TRPC4: variants seen among roughly 807,000 people sequenced by gnomAD.
TRPC4 encodes the protein short transient receptor potential channel 4.
TRPC4 carries 49 observed loss-of-function variants against 99.4 expected under a neutral mutation model. That is an observed-to-expected ratio of 0.49 (90% CI 0.39 to 0.63). TRPC4 has a LOEUF of 0.63. TRPC4 is among the 20% of genes least tolerant of loss of function. The pLI, the probability that TRPC4 is intolerant of heterozygous loss-of-function variation, is 0.00. For missense variants in TRPC4, 898 were observed against 1,152.9 expected (o/e 0.78, Z 3.20); for synonymous variants, 454 against 425.9 (o/e 1.07, Z -0.81).
chr13:37,821,338 G>A (rs985229027), intron 1 of TRPC4, among the ~76,000 whole-genome samples: 5 of 151,920 alleles, frequency 3.3e-5, no homozygotes, highest in African/African-American at 1.2e-4. Flanking sequence ...TGGAAAAATA[G>A]TCCAAGTTCA....
intron 3 of TRPC4, among the ~76,000 whole-genome samples, chr13:37,714,462 A>G (rs1210512552): frequency 1.3e-5 from 2 of 152,044 alleles, no homozygotes; most frequent in Non-Finnish European, 2.9e-5. Flanking sequence ...TACTTGCCCC[A>G]CTCTATTCTA....
chr13:37,769,180 T>C (rs1956475552), intron 2 of TRPC4, among the ~76,000 whole-genome samples: 1 of 151,502 alleles, frequency 6.6e-6, no homozygotes, highest in African/African-American at 2.4e-5. Context: ...ATTTAAAATA[T>C]TTTTTATTAC....
intron 1 of TRPC4, among the ~76,000 whole-genome samples, chr13:37,830,409 T>C (rs1958387558): frequency 6.6e-6 from 1 of 152,082 alleles, no homozygotes; most frequent in African/African-American, 2.4e-5. Flanking sequence ...ATTTAAATTC[T>C]TTTTAAAGAG....
rs1956128073 is a variant in TRPC4, at chr13:37,757,596, A to G, written c.379-11141T>C. On this transcript the variant is annotated intron_variant, in intron 2 of 10. Transcript: ENST00000379705. The stretch of plus-strand genomic sequence containing the variant: ...ATTTATTAAGAAACCAGAATGTTCT[A>G]TTATCATAGATGTCCTAGAGTATCA... 2.6e-5 allele frequency among the ~76,000 whole-genome samples: 4 copies of G among 152,108 alleles called. No individual in the cohort carries two copies. The South Asian group carries it at 8.3e-4, about 32-fold the overall frequency.
intron 4 of TRPC4, among the ~76,000 whole-genome samples, chr13:37,683,215 T>A (rs781449169): frequency 1.1e-4 from 16 of 152,222 alleles, no homozygotes; most frequent in Non-Finnish European, 1.8e-4. Context: ...GAGGAACTAC[T>A]ACCTCACCCC....
intron 2 of TRPC4, among the ~76,000 whole-genome samples, chr13:37,774,636 T>C (rs1206320018): frequency 1.3e-5 from 2 of 151,754 alleles, no homozygotes; most frequent in African/African-American, 4.8e-5. Context: ...TTATTTTCCC[T>C]GATCCTGTCC....
intron 3 of TRPC4, among the ~76,000 whole-genome samples, chr13:37,723,182 G>T (rs1422778634): frequency 1.3e-5 from 2 of 152,004 alleles, no homozygotes; most frequent in South Asian, 4.2e-4. Context: ...TTATAAAAAA[G>T]GGAGATATTT....
intron 1 of TRPC4, among the ~76,000 whole-genome samples, chr13:37,844,020 A>T (rs1958814013): frequency 6.6e-6 from 1 of 152,206 alleles, no homozygotes; most frequent in South Asian, 2.1e-4. Flanking sequence ...AGTAGGAAAA[A>T]TAAGTTGGAA....
chr13:37,855,214 T>G (rs1428043924), intron 1 of TRPC4, among the ~76,000 whole-genome samples: 1 of 151,294 alleles, frequency 6.6e-6, no homozygotes, highest in African/African-American at 2.4e-5. Context: ...AAAATAGATT[T>G]CAAGACAAAA....
rs534646362 is a variant in TRPC4 at position 37,848,101 on chromosome 13, A to G, written c.-28+21494T>C. ...TAGATTTACAATATTTTCAACTTAAATGAGTTTGTCAGGACATAAGCCCAT... is the reference window on the plus strand; with the variant it reads ...TAGATTTACAATATTTTCAACTTAAGTGAGTTTGTCAGGACATAAGCCCAT... On this transcript the variant is annotated intron_variant, in intron 1 of 10. Transcript: ENST00000379705. 1.8e-4 allele frequency among the ~76,000 whole-genome samples: 27 copies of G among 152,302 alleles called. 1 individual carries two copies. The East Asian group carries it at 4.4e-3, about 25-fold the overall frequency.
chr13:37,862,526 A>G (rs1464680756), intron 1 of TRPC4, among the ~76,000 whole-genome samples: 1 of 151,516 alleles, frequency 6.6e-6, no homozygotes, highest in African/African-American at 2.4e-5. Flanking sequence ...CCATGGCCCA[A>G]AGTTTTTGTT....
At chr13:37,806,999 A>G (rs1316634515) in intron 1 of TRPC4, among the ~76,000 whole-genome samples, 1 of 152,056 alleles carries the variant, frequency 6.6e-6, no homozygotes, top group Non-Finnish European at 1.5e-5. Context: ...AACTCCAACT[A>G]TTATACTGTC....
chr13:37,746,586 A>C, intron 2 of TRPC4, 131 bp from the exon 3 acceptor site: 1 of 975,874 alleles, frequency 1.0e-6, no homozygotes, highest in Non-Finnish European at 1.4e-6. Flanking sequence ...TTTTTGTAGG[A>C]GAGATATGGT....
At chr13:37,709,344 C>T (rs951213993) in intron 3 of TRPC4, among the ~76,000 whole-genome samples, 1 of 151,874 alleles carries the variant, frequency 6.6e-6, no homozygotes, top group East Asian at 1.9e-4. Context: ...GTGTAATTCA[C>T]ATTGGAAGGA....
chr13:37,736,924 G>A (rs995443679), intron 3 of TRPC4, among the ~76,000 whole-genome samples: 44 of 135,152 alleles, frequency 3.3e-4, no homozygotes, highest in African/African-American at 1.1e-3. Context: ...GTAGAGACAA[G>A]GTTGCACCGT....
At chr13:37,814,342 A>T (rs898285565) in intron 1 of TRPC4, among the ~76,000 whole-genome samples, 6 of 76,532 alleles carry the variant, frequency 7.8e-5, no homozygotes. Flanking sequence ...TAGGTAAGGG[A>T]AAAAAAAGGT....
At chr13:37,827,793 G>T (rs1213889953) in intron 1 of TRPC4, among the ~76,000 whole-genome samples, 12 of 152,336 alleles carry the variant, frequency 7.9e-5, no homozygotes, top group African/African-American at 1.4e-4. Context: ...GCTGTGGTGG[G>T]CTCCACCCAG....
At chr13:37,649,752 A>AAACAAAC (rs1392098161) in intron 8 of TRPC4, among the ~76,000 whole-genome samples, 1 of 137,700 alleles carries the variant, frequency 7.3e-6, no homozygotes, top group East Asian at 2.1e-4. Flanking sequence ...AAAAAAAAAA[A>AAACAAAC]AAAAAAAACA....
At chr13:37,721,266 G>C (rs968466408) in intron 3 of TRPC4, among the ~76,000 whole-genome samples, 1 of 152,054 alleles carries the variant, frequency 6.6e-6, no homozygotes, top group African/African-American at 2.4e-5. Flanking sequence ...AAATATAGTA[G>C]TAAGCTCAAT....
Sources: gnomAD v4.1 joint callset for allele counts (sites outside exome capture counted in the v4.1 genomes callset) on GRCh38, gnomAD v4.1.1 for gene constraint, MANE v1.5 for transcripts, NCBI Gene and HGNC (gene_info 2026-07-23, HGNC 2026-07-21) for gene names.